AKAP13: variants seen among roughly 807,000 people sequenced by gnomAD.
The protein encoded by AKAP13 is A-kinase anchor protein 13.
AKAP13 carries 80 observed loss-of-function variants against 264.5 expected under a neutral mutation model. The ratio of observed to expected loss-of-function variants is 0.30; its 90% CI spans 0.25 to 0.36. The LOEUF is 0.36. Ranked by LOEUF, AKAP13 falls within the 10% of genes least tolerant of loss-of-function variation. AKAP13 has a pLI of 1.00. For missense variants in AKAP13, 3,712 were observed against 3,435.2 expected (o/e 1.08, Z -2.01); for synonymous variants, 1,380 against 1,250.2 (o/e 1.10, Z -2.19).
chr15:85,418,827 C>T (rs2072369608), intron 1 of AKAP13, among the ~76,000 whole-genome samples: 1 of 152,158 alleles, frequency 6.6e-6, no homozygotes, highest in South Asian at 2.1e-4. Context: ...GCATAGTTAT[C>T]ATTAATAATA....
At chr15:85,429,514 A>G (rs2072936746) in intron 1 of AKAP13, among the ~76,000 whole-genome samples, 1 of 152,194 alleles carries the variant, frequency 6.6e-6, no homozygotes, top group South Asian at 2.1e-4. Flanking sequence ...CTAGGTGCCT[A>G]AGAAAATAGT....
At chr15:85,521,680 T>A in intron 3 of AKAP13, 105 bp downstream of exon 3, 1 of 1,229,178 alleles carries the variant, frequency 8.1e-7, no homozygotes, top group African/African-American at 1.5e-5. Flanking sequence ...GTAGACAGTA[T>A]AAAAAAATTT....
intron 5 of AKAP13, among the ~76,000 whole-genome samples, chr15:85,551,904 C>G (rs2077972981): frequency 6.6e-6 from 1 of 152,176 alleles, no homozygotes; most frequent in Non-Finnish European, 1.5e-5. Context: ...CTAAAGTTTT[C>G]TTAAACGCAT....
chr15:85,670,671 G>C (rs2083877842), intron 14 of AKAP13: 1 of 151,708 alleles, frequency 6.6e-6, no homozygotes, highest in Non-Finnish European at 1.5e-5. Context: ...CCATAAACTT[G>C]TCAGTGGAGA....
chr15:85,577,949 T>A (rs748985163), intron 6 of AKAP13: 1 of 438,654 alleles, frequency 2.3e-6, no homozygotes, highest in Non-Finnish European at 3.0e-6. Context: ...CTTGTATATA[T>A]GAGGCAGGGT....
chr15:85,630,272 C>CACACACACACAAATACA (rs1281166939), intron 8 of AKAP13, among the ~76,000 whole-genome samples: 1 of 146,104 alleles, frequency 6.8e-6, no homozygotes, highest in Non-Finnish European at 1.5e-5. Context: ...CACACAAACA[C>CACACACACACAAATACA]AATGAACTAA....
intron 1 of AKAP13, among the ~76,000 whole-genome samples, chr15:85,483,614 C>A (rs1434245432): frequency 8.4e-6 from 1 of 118,586 alleles, no homozygotes; most frequent in Non-Finnish European, 1.7e-5. Flanking sequence ...GCCTGGGCGA[C>A]AGAGCGAGAC....
rs57049395 is a variant in AKAP13, at chr15:85,567,941, G to GGTGTGTGTGTGTGTGT, written c.663-7165_663-7150dup. ...AAATACCTATTAAATAGCCCAAAGAGGTGTGTGTGTGTGTGTGTGTGTGTG... is the reference window on the plus strand; with the variant it reads ...AAATACCTATTAAATAGCCCAAAGAGGTGTGTGTGTGTGTGTGTGTGTGTGTGTGTGTGTGTGTGTG... On this transcript the variant is annotated intron_variant, in intron 5 of 36. Transcript: ENST00000394518. Among the ~76,000 whole-genome samples, 811 of 141,906 alleles carry GGTGTGTGTGTGTGTGT rather than the reference G, an allele frequency of 5.7e-3. 5 individuals are homozygous for GGTGTGTGTGTGTGTGT. Among genetic ancestry groups the GGTGTGTGTGTGTGTGT allele is most frequent in the African/African-American group, 6.1e-3 (233 of 37,898 alleles). The allele number at this position is 141,906 out of a possible 152,430, so 93.1% of individuals were successfully genotyped here. A position where few individuals can be genotyped will look rare whatever the true frequency, so the allele number is the denominator to read the frequency against.
intron 1 of AKAP13, among the ~76,000 whole-genome samples, chr15:85,476,403 A>G (rs2151033565): frequency 6.6e-6 from 1 of 152,334 alleles, no homozygotes; most frequent in African/African-American, 2.4e-5. Flanking sequence ...GGATCGACAC[A>G]GTGATGAGGA....
In AKAP13 at chr15:85,537,952, C is replaced by A. The variant is rs145771018; in HGVS notation, c.478+4072C>A. Among the ~76,000 whole-genome samples, 663 of 152,290 alleles carry A rather than the reference C, an allele frequency of 4.4e-3. 3 individuals carry two copies. The highest frequency in any genetic ancestry group is 6.4e-3 in the Admixed American group (98 of 15,302). On this transcript the variant is annotated intron_variant, in intron 4 of 36. Coordinates refer to ENST00000394518, the MANE Select transcript of AKAP13 (RefSeq NM_007200.5). Reference sequence around the variant, plus strand: ...GTTCTCTCATCCCTAATTATATAAACAAGCTTCTACACATTGTACTGTTTG... The same window carrying A: ...GTTCTCTCATCCCTAATTATATAAAAAAGCTTCTACACATTGTACTGTTTG...
In AKAP13 at chr15:85,746,300, T is replaced by C. The variant is rs1400577280; in HGVS notation, c.*1623T>C. 1 of 152,368 alleles carries C rather than the reference T, an allele frequency of 6.6e-6. No homozygotes were observed. Among genetic ancestry groups the C allele is most frequent in the Non-Finnish European group, 1.5e-5 (1 of 68,052 alleles). The allele number at this position is 152,368 out of a possible 1,614,324, so 9.4% of individuals were successfully genotyped here. ...ACATTTGTTTTATTTATTGTATTTG[T>C]GTGTTTGTGTTTGTTTTTTTTTAAG... On this transcript the variant is annotated 3_prime_UTR_variant, in exon 37 of 37. Coordinates refer to ENST00000394518, the MANE Select transcript of AKAP13 (RefSeq NM_007200.5).
intron 8 of AKAP13, among the ~76,000 whole-genome samples, chr15:85,612,779 G>A (rs895015285): frequency 2.0e-4 from 30 of 146,666 alleles, no homozygotes; most frequent in African/African-American, 7.3e-4. Context: ...AGCCAAGATT[G>A]TACCACTGCA....
At chr15:85,619,808 T>C in intron 8 of AKAP13, 1 of 1,208,490 alleles carries the variant, frequency 8.3e-7, no homozygotes, top group Non-Finnish European at 1.0e-6. Flanking sequence ...AGTATAGCAT[T>C]AGGTGGTATT....
intron 18 of AKAP13, 87 bp from the exon 19 acceptor site, chr15:85,710,492 A>G: frequency 7.6e-7 from 1 of 1,320,742 alleles, no homozygotes; most frequent in Non-Finnish European, 1.1e-6. Flanking sequence ...GTGGGAAAGG[A>G]AGCTGAACTG....
chr15:85,593,962 A>T (rs1341544155), intron 8 of AKAP13, among the ~76,000 whole-genome samples: 1 of 152,202 alleles, frequency 6.6e-6, no homozygotes. Flanking sequence ...AATTTGGGAT[A>T]TTGATGCCTG....
chr15:85,737,896 C>T (rs2088659182), intron 33 of AKAP13, among the ~76,000 whole-genome samples: 1 of 152,088 alleles, frequency 6.6e-6, no homozygotes, highest in Admixed American at 6.5e-5. Flanking sequence ...ACCTCAGCCT[C>T]CCAAAGTGCT....
intron 9 of AKAP13, among the ~76,000 whole-genome samples, chr15:85,645,582 A>G (rs1161622690): frequency 1.3e-5 from 2 of 152,186 alleles, no homozygotes; most frequent in Non-Finnish European, 2.9e-5. Context: ...CAGATGCATG[A>G]TTGTCCTGTA....
intron 8 of AKAP13, among the ~76,000 whole-genome samples, chr15:85,605,243 G>T (rs951599902): frequency 6.6e-6 from 1 of 152,208 alleles, no homozygotes; most frequent in Non-Finnish European, 1.5e-5. Context: ...ATATTTAAAA[G>T]TTTCACTGGG....
At chr15:85,490,654 C>G (rs936511553) in intron 2 of AKAP13, among the ~76,000 whole-genome samples, 1 of 152,148 alleles carries the variant, frequency 6.6e-6, no homozygotes, top group Non-Finnish European at 1.5e-5. Flanking sequence ...CTTAATTTCA[C>G]TTATACATCA....
Sources: gnomAD v4.1 joint callset for allele counts (sites outside exome capture counted in the v4.1 genomes callset) on GRCh38, gnomAD v4.1.1 for gene constraint, MANE v1.5 for transcripts, NCBI Gene and HGNC (gene_info 2026-07-23, HGNC 2026-07-21) for gene names.